ZNF766: variants seen among roughly 807,000 people sequenced by gnomAD.
ZNF766 encodes the protein zinc finger protein 766.
A neutral mutation model predicts 13.2 loss-of-function variants in ZNF766; 13 were observed. The ratio of observed to expected loss-of-function variants is 0.98; its 90% CI spans 0.64 to 1.56. ZNF766 has a LOEUF of 1.56. ZNF766 is among the 40% of genes most tolerant of loss of function. The pLI, the probability that ZNF766 is intolerant of heterozygous loss-of-function variation, is 0.00. For missense variants in ZNF766, 521 were observed against 552.2 expected, an observed-to-expected ratio of 0.94 and a Z score of 0.57; for synonymous variants, 178 against 187.6, an observed-to-expected ratio of 0.95 and a Z score of 0.42.
At chr19:52,280,921 G>A (rs2122475877) in intron 1 of ZNF766, among the ~76,000 whole-genome samples, 1 of 151,436 alleles carries the variant, frequency 6.6e-6, no homozygotes, top group African/African-American at 2.4e-5. Context: ...ACTTTGGGAG[G>A]CCTAGGCGGG....
chr19:52,271,870 G>A (rs1217020607), intron 1 of ZNF766, among the ~76,000 whole-genome samples: 3 of 151,046 alleles, frequency 2.0e-5, no homozygotes, highest in African/African-American at 7.3e-5. Context: ...TGAGGCAGGA[G>A]AGTCACTTGA....
chr19:52,278,360 A>T (rs1183839722), intron 1 of ZNF766, among the ~76,000 whole-genome samples: 1 of 151,980 alleles, frequency 6.6e-6, no homozygotes, highest in Non-Finnish European at 1.5e-5. Context: ...GGCTACATGT[A>T]TGTCTACTTT....
At chr19:52,285,705 T>C (rs192758002) in intron 3 of ZNF766, among the ~76,000 whole-genome samples, 14 of 152,274 alleles carry the variant, frequency 9.2e-5, no homozygotes, top group African/African-American at 3.4e-4. Context: ...ACATCAGCAT[T>C]CCTTCCCCCA....
chr19:52,283,572 T>C (rs1403834949), intron 3 of ZNF766, among the ~76,000 whole-genome samples, 159 bp downstream of exon 3: 1 of 151,994 alleles, frequency 6.6e-6, no homozygotes, highest in Non-Finnish European at 1.5e-5. Context: ...CAAAGTGATG[T>C]GATTATAGGC....
intron 3 of ZNF766, among the ~76,000 whole-genome samples, chr19:52,283,995 G>C (rs751138029): frequency 2.0e-5 from 3 of 152,258 alleles, no homozygotes; most frequent in South Asian, 2.1e-4. Context: ...CTTGGCCTCC[G>C]AAAGTGCTGG....
chr19:52,269,628 G>A lies in ZNF766; in HGVS notation c.15G>A (p.Arg5=). 2 of 1,613,010 alleles carry A rather than the reference G, an allele frequency of 1.2e-6. No individual in the cohort carries two copies. The highest frequency in any genetic ancestry group is 1.3e-5 in the African/African-American group (1 of 75,054). Residue 5 remains arginine (R), a synonymous_variant, in exon 1 of 4, where the codon CGG becomes CGA. Transcript: ENST00000439461. MAQL[R]RGHLTFRDVA... is the part of the protein sequence containing the mutation. ...GGCGTGGAGATATGGCGCAACTGCG[G>A]CGCGTGAGTTTTCCTTTGTTTAGAT... is the stretch of plus-strand genomic sequence containing the variant.
At chr19:52,283,141 C>T in intron 2 of ZNF766, 144 bp from the exon 3 acceptor site, 1 of 912,384 alleles carries the variant, frequency 1.1e-6, no homozygotes, top group Non-Finnish European at 1.6e-6. Flanking sequence ...GTGTCTCCAG[C>T]ATCTGTTGCT....
intron 3 of ZNF766, among the ~76,000 whole-genome samples, chr19:52,289,403 C>T (rs974607647): frequency 1.7e-4 from 25 of 151,478 alleles, no homozygotes; most frequent in African/African-American, 5.6e-4. Context: ...CCGCCCACCT[C>T]GCCCTCCCAA....
At chr19:52,286,161 A>G (rs1267398659) in intron 3 of ZNF766, among the ~76,000 whole-genome samples, 20 of 146,954 alleles carry the variant, frequency 1.4e-4, no homozygotes, top group African/African-American at 5.1e-4. Context: ...AAAAAAAAGA[A>G]AGAAAGAAAG....
In ZNF766 at chr19:52,293,798, T is replaced by G. The variant is rs2122497919; in HGVS notation, c.*2600T>G. 1 of 140,330 alleles carries G rather than the reference T, an allele frequency of 7.1e-6. No individual in the cohort carries two copies. Among genetic ancestry groups the G allele is most frequent in the East Asian group, 2.5e-4 (1 of 4,046 alleles). The allele number at this position is 140,330 out of a possible 1,614,324, so 8.7% of individuals were successfully genotyped here. The stretch of plus-strand genomic sequence containing the variant: ...GTGCCACCATGCCCAGCTAATTTTG[T>G]TTTTTTAGTAGAGACAGGGTTTCTC... On this transcript the variant is annotated 3_prime_UTR_variant, in exon 4 of 4. Transcript: ENST00000439461.
intron 2 of ZNF766, 135 bp from the exon 3 acceptor site, chr19:52,283,150 C>G: frequency 9.5e-7 from 1 of 1,047,350 alleles, no homozygotes. Context: ...GCATCTGTTG[C>G]TTGCTGACTT....
intron 1 of ZNF766, chr19:52,281,405 G>A (rs199911585): frequency 0.07 from 19,142 of 273,248 alleles, 1,029 homozygotes; most frequent in East Asian, 0.21. Context: ...TGTAATGCTA[G>A]CTGCTCGGGA....
At position 52,279,191 on chromosome 19, in the gene ZNF766, C is replaced by T. The variant is rs1038321155; in HGVS notation, c.19-2920C>T. Among the ~76,000 whole-genome samples, 9 of 152,062 alleles carry T rather than the reference C, an allele frequency of 5.9e-5. 1 individual carries two copies. The highest frequency in any genetic ancestry group is 1.9e-4 in the East Asian group (1 of 5,184). ...CAAAGATCAGTTGGTTGTAGATGCA[C>T]GGCCTTATTTCTGGGCTGACTATTC... On this transcript the variant is annotated intron_variant, in intron 1 of 3. Coordinates refer to ENST00000439461, the MANE Select transcript of ZNF766 (RefSeq NM_001010851.3).
At chr19:52,276,377 T>C (rs1214388322) in intron 1 of ZNF766, among the ~76,000 whole-genome samples, 2 of 152,228 alleles carry the variant, frequency 1.3e-5, no homozygotes, top group Non-Finnish European at 2.9e-5. Context: ...TTTATATTGG[T>C]ATATTGCTTC....
intron 1 of ZNF766, among the ~76,000 whole-genome samples, chr19:52,271,629 A>G (rs1980978543): frequency 6.6e-6 from 1 of 152,160 alleles, no homozygotes; most frequent in Non-Finnish European, 1.5e-5. Flanking sequence ...TACTTTGGTT[A>G]GTGCACCCAC....
rs1307187833 is a variant in ZNF766, at chr19:52,292,344, GCA to G, written c.*1152_*1153del. 5 of 607,190 alleles carry G rather than the reference GCA, an allele frequency of 8.2e-6. No individual in the cohort carries two copies. Among genetic ancestry groups the G allele is most frequent in the Admixed American group, 5.6e-5 (2 of 35,844 alleles). 37.6% of individuals were successfully genotyped at this position (607,190 alleles called of 1,614,324 possible). On this transcript the variant is annotated 3_prime_UTR_variant, in exon 4 of 4. Coordinates refer to ENST00000439461, the MANE Select transcript of ZNF766 (RefSeq NM_001010851.3). ...GCAGTCATCATGCTTATTGCAGTTA[GCA>G]CACACTTTTCCTGACAGGCACAGTG...
chr19:52,275,277 T>TA (rs1044834375), intron 1 of ZNF766, among the ~76,000 whole-genome samples: 3 of 151,406 alleles, frequency 2.0e-5, no homozygotes, highest in South Asian at 2.1e-4. Context: ...TTAAAAAGGT[T>TA]AAAAAAAAAT....
intron 3 of ZNF766, among the ~76,000 whole-genome samples, chr19:52,287,716 T>C (rs1325970899): frequency 6.6e-6 from 1 of 152,260 alleles, no homozygotes; most frequent in Admixed American, 6.5e-5. Flanking sequence ...AAGTGGTGTC[T>C]ATCTACAAAT....
intron 3 of ZNF766, chr19:52,287,964 T>C: frequency 2.4e-6 from 1 of 421,004 alleles, no homozygotes; most frequent in Non-Finnish European, 4.6e-6. Context: ...TCTCTGCTGT[T>C]TTCTTTGTTT....
Sources: gnomAD v4.1 joint callset for allele counts (sites outside exome capture counted in the v4.1 genomes callset) on GRCh38, gnomAD v4.1.1 for gene constraint, MANE v1.5 for transcripts, NCBI Gene and HGNC (gene_info 2026-07-23, HGNC 2026-07-21) for gene names.